NSD3: variants seen among roughly 807,000 people sequenced by gnomAD.
NSD3 encodes histone-lysine N-methyltransferase NSD3.
Under a neutral mutation model 160.8 loss-of-function variants are expected in NSD3, and 24 were observed. The observed-to-expected ratio is 0.15, with a 90% CI of 0.11 to 0.21. The LOEUF is 0.21. Ranked by LOEUF, NSD3 falls within the 10% of genes least tolerant of loss-of-function variation. NSD3 has a pLI of 1.00. For missense variants in NSD3, 1,157 were observed against 1,735.9 expected (o/e 0.67, Z 5.93); for synonymous variants, 520 against 600.0 (o/e 0.87, Z 1.95).
chr8:38,357,326 A>AG (rs906604924), intron 1 of NSD3, among the ~76,000 whole-genome samples: 3 of 152,030 alleles, frequency 2.0e-5, no homozygotes, highest in African/African-American at 7.3e-5. Flanking sequence ...CCCATTGCCC[A>AG]GAAAAAGGCC....
chr8:38,296,009 A>G, intron 15 of NSD3, 57 bp from the exon 16 acceptor site: 1 of 1,494,418 alleles, frequency 6.7e-7, no homozygotes, highest in Non-Finnish European at 9.0e-7. Context: ...AAAAAGAAAG[A>G]AAAAGGAGAA....
At chr8:38,289,352 T>C (rs1808942097) in intron 18 of NSD3, 41 bp downstream of exon 18, 2 of 1,533,156 alleles carry the variant, frequency 1.3e-6, no homozygotes, top group South Asian at 1.2e-5. Flanking sequence ...ACTTTGTTTC[T>C]TATTTTATTT....
intron 1 of NSD3, among the ~76,000 whole-genome samples, chr8:38,359,499 G>A (rs1585921608): frequency 6.6e-6 from 1 of 152,248 alleles, no homozygotes; most frequent in East Asian, 1.9e-4. Context: ...GCAGAGATGT[G>A]GGTGTGGACT....
rs1331716129 is a variant in NSD3, at chr8:38,316,881, T to C, written c.1856-839A>G. 1.2e-5 allele frequency: 13 copies of C among 1,062,898 alleles called. No homozygotes were observed. The highest frequency in any genetic ancestry group is 1.4e-5 in the Non-Finnish European group (12 of 877,656). The allele number at this position is 1,062,898 out of a possible 1,614,324, so 65.8% of individuals were successfully genotyped here. A position where few individuals can be genotyped will look rare whatever the true frequency, so the allele number is the denominator to read the frequency against. On this transcript the variant is annotated intron_variant, in intron 9 of 23. Transcript: ENST00000317025. The surrounding 1 kb of genome is among the most constrained non-coding windows in gnomAD (Gnocchi z 4.5). ...TGCAAAAAGTTACAAAGCAACAATCTCTTGGGCTAATGCAGTATAGGCTAT... is the reference window on the plus strand; with the variant it reads ...TGCAAAAAGTTACAAAGCAACAATCCCTTGGGCTAATGCAGTATAGGCTAT...
Position 38,317,042 on chromosome 8 carries a change from T to C in NSD3, c.1856-1000A>G. On this transcript the variant is annotated intron_variant, in intron 9 of 23. Transcript: ENST00000317025. This position sits in a 1 kb window ranked among gnomAD's most constrained non-coding sequence, Gnocchi z 5.3. ...AATTTCCATACAACAAACAGACATC[T>C]AGATCAACCCAGCAAGCTATGGTGG... is the stretch of plus-strand genomic sequence containing the variant. 9.4e-7 allele frequency: 1 copy of C among 1,059,666 alleles called. No individual in the cohort carries two copies. The highest frequency in any genetic ancestry group is 1.1e-6 in the Non-Finnish European group (1 of 875,820). The allele number at this position is 1,059,666 out of a possible 1,614,324, so 65.6% of individuals were successfully genotyped here.
chr8:38,303,111 A>G, intron 14 of NSD3: 2 of 446,938 alleles, frequency 4.5e-6, no homozygotes, highest in Non-Finnish European at 5.9e-6. Context: ...ACTGACAGGA[A>G]ATGTCAGTGC....
chr8:38,317,888 C>T lies in NSD3; in HGVS notation c.1855+1007G>A, dbSNP rs1809707698. Reference sequence around the variant, plus strand: ...AAAACAAAGAAACTGTTTATCAAGCCGCCGACAAAGAAATCTTGCATGGAG... The same window carrying T: ...AAAACAAAGAAACTGTTTATCAAGCTGCCGACAAAGAAATCTTGCATGGAG... On this transcript the variant is annotated intron_variant, in intron 9 of 23. Transcript: ENST00000317025. This position sits in a 1 kb window ranked among gnomAD's most constrained non-coding sequence, Gnocchi z 5.3. 3.8e-6 allele frequency: 6 copies of T among 1,598,944 alleles called. No individual in the cohort carries two copies. Among genetic ancestry groups the T allele is most frequent in the Admixed American group, 1.7e-5 (1 of 57,292 alleles).
chr8:38,339,161 A>AG (rs1410286931), intron 2 of NSD3, among the ~76,000 whole-genome samples: 34 of 152,004 alleles, frequency 2.2e-4, no homozygotes, highest in Middle Eastern at 3.4e-3. Context: ...ACAAAAAAAA[A>AG]ACCCACTTAA....
Position 38,317,833 on chromosome 8 carries a change from CAAT to C in NSD3, c.1855+1059_1855+1061del. 6.7e-7 allele frequency: 1 copy of C among 1,500,444 alleles called. No homozygotes were observed. Among genetic ancestry groups the C allele is most frequent in the Non-Finnish European group, 8.9e-7 (1 of 1,124,558 alleles). The allele number at this position is 1,500,444 out of a possible 1,614,324, so 92.9% of individuals were successfully genotyped here. A position where few individuals can be genotyped will look rare whatever the true frequency, so the allele number is the denominator to read the frequency against. ...AAGAAGAAACCAGGCAGGAAAATGC[CAAT>C]AATGATGATTGGCGAAATCAAAATC... On this transcript the variant is annotated intron_variant, in intron 9 of 23. Coordinates refer to ENST00000317025, the MANE Select transcript of NSD3 (RefSeq NM_023034.2). This position sits in a 1 kb window ranked among gnomAD's most constrained non-coding sequence, Gnocchi z 5.3.
intron 4 of NSD3, among the ~76,000 whole-genome samples, chr8:38,331,827 T>TCAAAACAAAACAAAACAAAA (rs150155803): frequency 2.0e-5 from 3 of 152,082 alleles, no homozygotes; most frequent in African/African-American, 7.2e-5. Context: ...GACTCTTGTC[T>TCAAAACAAAACAAAACAAAA]CAAAACAAAA....
At position 38,299,542 on chromosome 8, in the gene NSD3, T is replaced by G. The variant is rs765531670; in HGVS notation, c.2660A>C (p.Tyr887Ser). The G allele has an allele frequency of 1.9e-6, 3 of 1,613,898 alleles. No homozygotes were observed. Among genetic ancestry groups the G allele is most frequent in the Non-Finnish European group, 2.5e-6 (3 of 1,179,860 alleles). ...TTCATTCAGTAGGTAGTGGGACTTA[T>G]AGGCATATGAACTGAACATGGGGTC... Reference protein sequence around the residue: ...HSDPMFSSYAYKSHYLLNESN... With the variant: ...HSDPMFSSYASKSHYLLNESN... The change falls in exon 15 of 24, where the codon TAT becomes TCT. Residue 887 changes from tyrosine to serine, a missense_variant. Physicochemically the swap from Tyr to Ser is moderately radical, Grantham distance 144 (BLOSUM62 -2). Around this residue, in one of 10 missense-constraint regions of NSD3, gnomAD observed 437 missense variants for 576.6 expected, o/e 0.76. Coordinates refer to ENST00000317025, the MANE Select transcript of NSD3 (RefSeq NM_023034.2).
At chr8:38,334,023 A>G (rs570284994) in intron 4 of NSD3, among the ~76,000 whole-genome samples, 11 of 152,384 alleles carry the variant, frequency 7.2e-5, no homozygotes, top group Admixed American at 2.6e-4. Flanking sequence ...GTATACATGC[A>G]GTATATGTGC....
intron 15 of NSD3, among the ~76,000 whole-genome samples, chr8:38,298,038 A>T (rs986848335): frequency 6.6e-6 from 1 of 152,152 alleles, no homozygotes; most frequent in Admixed American, 6.6e-5. Context: ...TACACAAGGG[A>T]AATAAAAAAA....
Position 38,318,214 on chromosome 8 carries a change from GTTTTA to G in NSD3, c.1855+676_1855+680del, listed in dbSNP as rs539219742. Among the ~76,000 whole-genome samples, 594 of 152,158 alleles carry G rather than the reference GTTTTA, an allele frequency of 3.9e-3. 2 individuals carry two copies. The highest frequency in any genetic ancestry group is 5.4e-3 in the Non-Finnish European group (365 of 67,988). ...TCCCCGAGAATGCAGAGAGGCTGTT[GTTTTA>G]TTTTATTTTTAAATAATGCAATTTG... On this transcript the variant is annotated intron_variant, in intron 9 of 23. Transcript: ENST00000317025. The surrounding 1 kb of genome is among the most constrained non-coding windows in gnomAD (Gnocchi z 5.3).
intron 1 of NSD3, among the ~76,000 whole-genome samples, chr8:38,358,770 C>A (rs1028565914): frequency 6.6e-5 from 10 of 152,132 alleles, no homozygotes; most frequent in African/African-American, 2.4e-4. Context: ...TGTACATACA[C>A]GCAAAGCCCC....
At chr8:38,315,121 A>T (rs1211559748) in intron 11 of NSD3, among the ~76,000 whole-genome samples, 3 of 152,214 alleles carry the variant, frequency 2.0e-5, no homozygotes, top group African/African-American at 7.2e-5. Context: ...GAACGGTAAA[A>T]ATACACTGAG....
At position 38,317,342 on chromosome 8, in the gene NSD3, T is replaced by G. The variant is rs933636956; in HGVS notation, c.1856-1300A>C. The G allele has an allele frequency of 1.9e-6, 2 of 1,057,894 alleles. No homozygotes were observed. Among genetic ancestry groups the G allele is most frequent in the Non-Finnish European group, 2.3e-6 (2 of 874,582 alleles). 65.5% of individuals were successfully genotyped at this position (1,057,894 alleles called of 1,614,324 possible). A position where few individuals can be genotyped will look rare whatever the true frequency, so the allele number is the denominator to read the frequency against. On this transcript the variant is annotated intron_variant, in intron 9 of 23. Coordinates refer to ENST00000317025, the MANE Select transcript of NSD3 (RefSeq NM_023034.2). This position sits in a 1 kb window ranked among gnomAD's most constrained non-coding sequence, Gnocchi z 5.3. ...TACACAAATCTATCTCCTTCATTGC[T>G]GGTGTATGGACCCAGAACACCATCA... is the stretch of plus-strand genomic sequence containing the variant.
Position 38,305,308 on chromosome 8 carries a change from A to G in NSD3, c.2380T>C (p.Cys794Arg). The G allele has an allele frequency of 6.2e-7, 1 of 1,614,230 alleles. No individual in the cohort carries two copies. The highest frequency in any genetic ancestry group is 8.5e-7 in the Non-Finnish European group (1 of 1,180,038). Residue 794 changes from cysteine to arginine, a missense_variant, in exon 13 of 24, where the codon TGT (cysteine) becomes CGT (arginine). Transcript: ENST00000317025. Reference sequence around the variant, plus strand: ...CAGGCAGAGCAGCAGTGCTGAGGACAGCGGAATCCTTTTGATTCAAAGATG... The same window carrying G: ...CAGGCAGAGCAGCAGTGCTGAGGACGGCGGAATCCTTTTGATTCAAAGATG... ...TAIFESKGFR[C>R]PQHCCSACSM...
intron 18 of NSD3, among the ~76,000 whole-genome samples, chr8:38,289,005 AACT>A: frequency 6.6e-6 from 1 of 152,228 alleles, no homozygotes; most frequent in Admixed American, 6.5e-5. Context: ...GAAATTTCAT[AACT>A]GAAAACAAGA....
Sources: gnomAD v4.1 joint callset for allele counts (sites outside exome capture counted in the v4.1 genomes callset) on GRCh38, gnomAD v4.1.1 for gene constraint, gnomAD v4.1.1 regional missense constraint, Gnocchi (gnomAD v3.1) non-coding constraint, MANE v1.5 for transcripts, NCBI Gene and HGNC (gene_info 2026-07-23, HGNC 2026-07-21) for gene names.